SHROOM3: variants seen among roughly 807,000 people sequenced by gnomAD.
The protein encoded by SHROOM3 is shroom family member 3.
SHROOM3 carries 47 observed loss-of-function variants against 138.6 expected under a neutral mutation model. The ratio of observed to expected loss-of-function variants is 0.34; its 90% CI spans 0.27 to 0.43. SHROOM3 has a LOEUF of 0.43. SHROOM3 is among the 20% of genes least tolerant of loss of function. SHROOM3 has a pLI of 1.00. For missense variants in SHROOM3, 2,491 were observed against 2,596.5 expected (o/e 0.96, Z 0.88); for synonymous variants, 1,062 against 1,063.3 (o/e 1.00, Z 0.02).
At chr4:76,460,820 G>T (rs1473303991) in intron 1 of SHROOM3, among the ~76,000 whole-genome samples, 1 of 26,780 alleles carries the variant, frequency 3.7e-5, no homozygotes, top group South Asian at 2.2e-3. Flanking sequence ...GTGAAAGCCC[G>T]TATCTACAAA....
At position 76,632,168 on chromosome 4, in the gene SHROOM3, TC is replaced by T. The variant is rs1166621776; in HGVS notation, c.323+76407del. Among the ~76,000 whole-genome samples the T allele has an allele frequency of 2.0e-5, 3 of 152,080 alleles. No homozygotes were observed. In the East Asian group the frequency reaches 5.8e-4, roughly 29 times the overall value. On this transcript the variant is annotated intron_variant, in intron 2 of 10. Transcript: ENST00000296043. Reference sequence around the variant, plus strand: ...TTATGTTGGATAGACCAATCTGACATCCGGGCAGGTAATTGTACAAAAGAGT... The same window carrying T: ...TTATGTTGGATAGACCAATCTGACATCGGGCAGGTAATTGTACAAAAGAGT...
chr4:76,732,529 C>T (rs185851424), intron 4 of SHROOM3, among the ~76,000 whole-genome samples: 2 of 152,354 alleles, frequency 1.3e-5, no homozygotes, highest in African/African-American at 2.4e-5. Flanking sequence ...AGATGCTCCT[C>T]TCCCTTGCCC....
chr4:76,458,120 C>A (rs1731070233), intron 1 of SHROOM3, among the ~76,000 whole-genome samples: 1 of 152,188 alleles, frequency 6.6e-6, no homozygotes, highest in Non-Finnish European at 1.5e-5. Flanking sequence ...ATAAGTTACT[C>A]AGTCTCTGAC....
At chr4:76,561,514 A>G (rs1216317388) in intron 2 of SHROOM3, among the ~76,000 whole-genome samples, 2 of 151,968 alleles carry the variant, frequency 1.3e-5, no homozygotes, top group Non-Finnish European at 2.9e-5. Flanking sequence ...AATGAGGGAA[A>G]TGCATCCAAA....
chr4:76,453,168 C>T (rs1029622863), intron 1 of SHROOM3, among the ~76,000 whole-genome samples: 1 of 152,112 alleles, frequency 6.6e-6, no homozygotes, highest in Non-Finnish European at 1.5e-5. Context: ...TACTGTTTTC[C>T]ACAGTAGCTG....
At chr4:76,477,396 C>A (rs1037039761) in intron 1 of SHROOM3, among the ~76,000 whole-genome samples, 2 of 152,130 alleles carry the variant, frequency 1.3e-5, no homozygotes, top group African/African-American at 2.4e-5. Flanking sequence ...AAACTCAGAC[C>A]ATTGCCCCTT....
chr4:76,511,467 C>T (rs1434486854), intron 1 of SHROOM3, among the ~76,000 whole-genome samples: 2 of 152,186 alleles, frequency 1.3e-5, no homozygotes, highest in Non-Finnish European at 2.9e-5. Flanking sequence ...AATATATCCA[C>T]TGAAGTCACC....
chr4:76,734,522 T>A (rs894255622), intron 4 of SHROOM3, among the ~76,000 whole-genome samples: 1 of 151,284 alleles, frequency 6.6e-6, no homozygotes, highest in Admixed American at 6.6e-5. Flanking sequence ...ACTTTTTTTT[T>A]TTTTTTTGAG....
intron 8 of SHROOM3, among the ~76,000 whole-genome samples, chr4:76,759,047 C>G (rs1004193904): frequency 2.0e-5 from 3 of 152,142 alleles, no homozygotes; most frequent in Admixed American, 6.5e-5. Context: ...AGCAGGCACA[C>G]TTGAGAAGGA....
chr4:76,748,985 G>T (rs1301360574), intron 5 of SHROOM3, 32 bp from the exon 6 acceptor site: 14 of 1,607,692 alleles, frequency 8.7e-6, no homozygotes, highest in Non-Finnish European at 1.2e-5. Flanking sequence ...CCGTTTATTG[G>T]CAGTAATGCT....
intron 1 of SHROOM3, among the ~76,000 whole-genome samples, chr4:76,538,967 G>A (rs932966689): frequency 2.6e-5 from 4 of 152,256 alleles, no homozygotes; most frequent in Non-Finnish European, 4.4e-5. Context: ...CACTAATATA[G>A]TATATGGCTT....
intron 1 of SHROOM3, among the ~76,000 whole-genome samples, chr4:76,447,013 T>G (rs1730820904): frequency 6.6e-6 from 1 of 152,098 alleles, no homozygotes; most frequent in South Asian, 2.1e-4. Context: ...AATAGTACAC[T>G]CTCTTGGCAC....
chr4:76,544,129 C>T (rs1437926153), intron 1 of SHROOM3, among the ~76,000 whole-genome samples: 1 of 152,128 alleles, frequency 6.6e-6, no homozygotes, highest in Non-Finnish European at 1.5e-5. Flanking sequence ...CAAATTTGCA[C>T]TATAGTACGT....
At chr4:76,576,973 A>G (rs1361334022) in intron 2 of SHROOM3, among the ~76,000 whole-genome samples, 1 of 152,196 alleles carries the variant, frequency 6.6e-6, no homozygotes, top group Non-Finnish European at 1.5e-5. Context: ...GAATGGTGAC[A>G]TGGCCAACTC....
intron 2 of SHROOM3, among the ~76,000 whole-genome samples, chr4:76,602,254 C>T (rs1056936560): frequency 4.6e-5 from 7 of 152,040 alleles, no homozygotes; most frequent in African/African-American, 1.4e-4. Flanking sequence ...ACAAAGAAAA[C>T]TCAAATGATT....
intron 9 of SHROOM3, among the ~76,000 whole-genome samples, chr4:76,768,676 A>G (rs999315619): frequency 2.6e-5 from 4 of 152,006 alleles, no homozygotes; most frequent in African/African-American, 7.2e-5. Flanking sequence ...ACGCCTGGCT[A>G]ATTTTTGTAT....
At chr4:76,763,229 T>C (rs1351827714) in intron 9 of SHROOM3, among the ~76,000 whole-genome samples, 1 of 151,510 alleles carries the variant, frequency 6.6e-6, no homozygotes, top group African/African-American at 2.4e-5. Context: ...CTACCAAAAA[T>C]ATAAAAAATT....
At position 76,740,201 on chromosome 4, in the gene SHROOM3, C is replaced by A; in HGVS notation, c.2028C>A (p.Ser676Arg). 6.2e-7 allele frequency: 1 copy of A among 1,613,728 alleles called. No homozygotes were observed. Among genetic ancestry groups the A allele is most frequent in the Non-Finnish European group, 8.5e-7 (1 of 1,180,038 alleles). Reference sequence around the variant, plus strand: ...TTCCTGAGAGTCTGAGAAGACACAGCAGCCTGGAGCTAGGCCGGGGAACCC... The same window carrying A: ...TTCCTGAGAGTCTGAGAAGACACAGAAGCCTGGAGCTAGGCCGGGGAACCC... ...QNIPESLRRH[S>R]SLELGRGTQE... Residue 676 changes from serine (S) to arginine (R), a missense_variant, in exon 5 of 11, where the codon AGC (serine) becomes AGA (arginine). By Grantham distance (110) the Ser-to-Arg change is moderately radical. Transcript: ENST00000296043. This position sits in a 1 kb window ranked among gnomAD's most constrained non-coding sequence, Gnocchi z 4.0.
intron 2 of SHROOM3, among the ~76,000 whole-genome samples, chr4:76,610,216 C>A (rs1734733694): frequency 6.6e-6 from 1 of 152,186 alleles, no homozygotes. Context: ...AAAAAAATCA[C>A]CCTCATTTCA....
Sources: allele counts gnomAD v4.1 joint callset (sites outside exome capture counted in the v4.1 genomes callset), GRCh38; gene constraint gnomAD v4.1.1; non-coding constraint Gnocchi (gnomAD v3.1); transcripts MANE v1.5; gene names NCBI Gene and HGNC (gene_info 2026-07-23, HGNC 2026-07-21).